The following NRXN1 variants were observed in gnomAD, a reference collection of about 807,000 sequenced individuals.
NRXN1 encodes the protein neurexin 1, also known as neurexin-1.
A neutral mutation model predicts 150.9 loss-of-function variants in NRXN1; 39 were observed. The ratio of observed to expected loss-of-function variants is 0.26; its 90% CI spans 0.20 to 0.34. The LOEUF is 0.34. Among genes scored for constraint, NRXN1 ranks in the 10% least tolerant of loss-of-function variants. The pLI is 1.00. For missense variants in NRXN1, 1,815 were observed against 1,949.9 expected (o/e 0.93, Z 1.30); for synonymous variants, 924 against 757.0 (o/e 1.22, Z -3.62).
chr2:50,297,318 G>C (rs750538016), intron 17 of NRXN1, among the ~76,000 whole-genome samples: 1 of 152,184 alleles, frequency 6.6e-6, no homozygotes, highest in African/African-American at 2.4e-5. Context: ...AAGAACCATG[G>C]AGTTGGCAAT....
intron 5 of NRXN1, among the ~76,000 whole-genome samples, chr2:50,853,828 A>G (rs1559354131): frequency 6.6e-6 from 1 of 152,088 alleles, no homozygotes; most frequent in Non-Finnish European, 1.5e-5. Context: ...CAAGCTTTAA[A>G]TGGAACCTAA....
In NRXN1 at chr2:51,027,818, G is replaced by T. The variant is rs768935724; in HGVS notation, c.456C>A (p.Gly152=). 7 of 1,613,428 alleles carry T rather than the reference G, an allele frequency of 4.3e-6. No homozygotes were observed. The South Asian group carries it at 4.4e-5, about 10-fold the overall frequency. Residue 152 remains glycine (G), a synonymous_variant, in exon 2 of 23, where the codon GGC becomes GGA. Coordinates refer to ENST00000401669, the MANE Select transcript of NRXN1 (RefSeq NM_001330078.2). Reference sequence around the variant, plus strand: ...CCGGGGGCAGCCCCCCGACGAAAAGGCCGCTGAACACCGTCATGTCCCTGC... The same window carrying T: ...CCGGGGGCAGCCCCCCGACGAAAAGTCCGCTGAACACCGTCATGTCCCTGC... ...SKRRDMTVFS[G]LFVGGLPPEL...
At chr2:50,227,182 T>A (rs2064469472) in intron 18 of NRXN1, among the ~76,000 whole-genome samples, 2 of 150,540 alleles carry the variant, frequency 1.3e-5, no homozygotes, top group South Asian at 2.1e-4. Flanking sequence ...AAAAAGGAAG[T>A]TTGTTGTTGT....
intron 5 of NRXN1, among the ~76,000 whole-genome samples, chr2:50,722,674 A>C (rs1442446737): frequency 6.6e-6 from 1 of 152,170 alleles, no homozygotes; most frequent in Non-Finnish European, 1.5e-5. Context: ...TGTATAGTGA[A>C]TATGCTTTTC....
At chr2:50,053,222 T>C in intron 21 of NRXN1, 49 bp downstream of exon 21, 4 of 1,591,530 alleles carry the variant, frequency 2.5e-6, no homozygotes, top group Non-Finnish European at 3.4e-6. Flanking sequence ...AAGCCCACTA[T>C]CATAAATAAT....
intron 5 of NRXN1, among the ~76,000 whole-genome samples, chr2:50,834,559 TTGAGA>T (rs1671844603): frequency 1.3e-5 from 2 of 152,158 alleles, no homozygotes; most frequent in African/African-American, 4.8e-5. Flanking sequence ...TGATTTTGAA[TTGAGA>T]TAAGAATAAT....
At chr2:50,613,870 G>A (rs373718519) in intron 8 of NRXN1, among the ~76,000 whole-genome samples, 55 of 152,224 alleles carry the variant, frequency 3.6e-4, no homozygotes, top group African/African-American at 1.2e-3. Context: ...CCCAGGTGGC[G>A]GAGCTTGCAG....
intron 20 of NRXN1, among the ~76,000 whole-genome samples, chr2:50,054,667 G>A (rs1056190480): frequency 6.6e-6 from 1 of 152,082 alleles, no homozygotes; most frequent in Non-Finnish European, 1.5e-5. Context: ...TTGGGTTAAT[G>A]CTTGCTGTGA....
At chr2:49,967,787 G>C (rs543707637) in intron 21 of NRXN1, among the ~76,000 whole-genome samples, 2 of 152,128 alleles carry the variant, frequency 1.3e-5, no homozygotes, top group South Asian at 4.1e-4. Flanking sequence ...TGGAAAACTA[G>C]AAAGTCAGGA....
intron 19 of NRXN1, among the ~76,000 whole-genome samples, chr2:50,081,404 C>A (rs1343634183): frequency 1.3e-5 from 2 of 150,616 alleles, no homozygotes; most frequent in Non-Finnish European, 2.9e-5. Context: ...TGGTGAAACC[C>A]CATCCCTACT....
At chr2:50,788,759 T>A (rs558371478) in intron 5 of NRXN1, among the ~76,000 whole-genome samples, 1 of 151,784 alleles carries the variant, frequency 6.6e-6, no homozygotes, top group Non-Finnish European at 1.5e-5. Context: ...GAACTAAACC[T>A]TAGAAAACAA....
chr2:50,992,201 GTTTA>G (rs1429731863), intron 2 of NRXN1, among the ~76,000 whole-genome samples: 1 of 151,906 alleles, frequency 6.6e-6, no homozygotes, highest in Non-Finnish European at 1.5e-5. Context: ...GCAATAATGA[GTTTA>G]TTTAGTATAA....
chr2:50,442,874 T>C (rs967416444), intron 17 of NRXN1, among the ~76,000 whole-genome samples: 1 of 152,078 alleles, frequency 6.6e-6, no homozygotes, highest in African/African-American at 2.4e-5. Flanking sequence ...TGTTTTGAAA[T>C]TGATTAAGTA....
chr2:50,990,748 T>G (rs1256778652), intron 2 of NRXN1, among the ~76,000 whole-genome samples: 6 of 152,028 alleles, frequency 3.9e-5, no homozygotes, highest in Non-Finnish European at 8.8e-5. Flanking sequence ...CTGAGTTTCC[T>G]TTTCTCCCAG....
At chr2:50,576,498 C>T (rs1401977141) in intron 8 of NRXN1, among the ~76,000 whole-genome samples, 1 of 152,032 alleles carries the variant, frequency 6.6e-6, no homozygotes, top group Non-Finnish European at 1.5e-5. Flanking sequence ...TTTTCCCCCT[C>T]ATTTCATTGT....
intron 5 of NRXN1, among the ~76,000 whole-genome samples, chr2:50,768,983 T>G (rs929118209): frequency 6.6e-6 from 1 of 151,880 alleles, no homozygotes; most frequent in African/African-American, 2.4e-5. Context: ...CTTGGGATTT[T>G]CAGGGCATGG....
chr2:50,923,469 T>C, intron 3 of NRXN1: 1 of 263,846 alleles, frequency 3.8e-6, no homozygotes, highest in Non-Finnish European at 8.1e-6. Context: ...TAAAGGACAT[T>C]GAAATTCCTT....
rs70948706 is a variant in NRXN1, at chr2:50,373,690, G to GGAAAGAAAGAAA, written c.3364+91740_3364+91751dup. On this transcript the variant is annotated intron_variant, in intron 17 of 22. Transcript: ENST00000401669. ...AGAAAGAAAGAAAGAAAAGAAAGAA[G>GGAAAGAAAGAAA]GAAAGAAAGAAAGAAAGAAAGAGAA... 1.9e-3 allele frequency among the ~76,000 whole-genome samples: 177 copies of GGAAAGAAAGAAA among 91,688 alleles called. 4 individuals carry two copies. The highest frequency in any genetic ancestry group is 7.9e-3 in the African/African-American group (160 of 20,330). 60.2% of individuals were successfully genotyped at this position (91,688 alleles called of 152,430 possible). A position where few individuals can be genotyped will look rare whatever the true frequency, so the allele number is the denominator to read the frequency against.
At chr2:50,555,103 C>T (rs1354537550) in intron 8 of NRXN1, among the ~76,000 whole-genome samples, 2 of 152,126 alleles carry the variant, frequency 1.3e-5, no homozygotes, top group Non-Finnish European at 2.9e-5. Context: ...TTTCATGCTA[C>T]TTAAACCTAT....
Sources: allele counts gnomAD v4.1 joint callset (sites outside exome capture counted in the v4.1 genomes callset), GRCh38; gene constraint gnomAD v4.1.1; transcripts MANE v1.5; gene names NCBI Gene and HGNC (gene_info 2026-07-23, HGNC 2026-07-21).